Variants in ART3 observed in about 807,000 individuals in gnomAD.
ART3 encodes ADP-ribosyltransferase 3 (inactive), also known as ecto-ADP-ribosyltransferase 3.
In ART3, 49 loss-of-function variants were observed where a neutral mutation model predicts 48.5. The observed-to-expected ratio is 1.01, with a 90% CI of 0.80 to 1.28. ART3 has a LOEUF of 1.28. Among genes scored for constraint, ART3 ranks in the 50% most tolerant of loss-of-function variants. The pLI, the probability that ART3 is intolerant of heterozygous loss-of-function variation, is 0.00. For synonymous variants in ART3, 145 were observed against 157.2 expected (o/e 0.92, Z 0.58); for missense variants, 438 against 454.3 (o/e 0.96, Z 0.33).
At chr4:76,059,157 T>C (rs941267262) in intron 1 of ART3, among the ~76,000 whole-genome samples, 7 of 151,698 alleles carry the variant, frequency 4.6e-5, no homozygotes, top group African/African-American at 1.2e-4. Flanking sequence ...GAGAAACCTT[T>C]AGGTTATAGT....
chr4:76,090,390 G>A (rs1346306337), intron 3 of ART3, among the ~76,000 whole-genome samples: 1 of 152,242 alleles, frequency 6.6e-6, no homozygotes, highest in Non-Finnish European at 1.5e-5. Flanking sequence ...TAACAGGCTA[G>A]CAGTAACAGC....
rs1727567390 is a variant in ART3 at position 76,102,573 on chromosome 4, TG to T, written c.938-1363del. On this transcript the variant is annotated intron_variant, in intron 8 of 11. Transcript: ENST00000355810. ...GAAACACTAAGCAACTTAAAAATCA[TG>T]TTTTCAAAACCATCTAAAGATAGAA... 2.0e-5 allele frequency among the ~76,000 whole-genome samples: 3 copies of T among 152,026 alleles called. 1 individual carries two copies. In the South Asian group the frequency reaches 6.2e-4, roughly 31 times the overall value.
At chr4:76,012,379 G>A (rs1287896701) in intron 1 of ART3, 2 of 152,116 alleles carry the variant, frequency 1.3e-5, no homozygotes, top group Non-Finnish European at 2.9e-5. Flanking sequence ...GACTAGAAAG[G>A]GGTTTATTTC....
chr4:76,050,049 G>A (rs533435120), intron 1 of ART3, among the ~76,000 whole-genome samples: 1 of 151,986 alleles, frequency 6.6e-6, no homozygotes, highest in Non-Finnish European at 1.5e-5. Flanking sequence ...GTGGGCTTAT[G>A]GTCTCACTGG....
intron 3 of ART3, among the ~76,000 whole-genome samples, chr4:76,086,942 C>T (rs900306134): frequency 6.6e-6 from 1 of 152,110 alleles, no homozygotes; most frequent in African/African-American, 2.4e-5. Context: ...CCAGGGTCTC[C>T]CTCCCTCCCT....
chr4:76,059,732 A>G (rs1039847595), intron 1 of ART3, among the ~76,000 whole-genome samples: 1 of 152,228 alleles, frequency 6.6e-6, no homozygotes, highest in African/African-American at 2.4e-5. Flanking sequence ...GAAATGAATT[A>G]GTAAAGTTTA....
intron 3 of ART3, among the ~76,000 whole-genome samples, chr4:76,085,226 G>A (rs953043183): frequency 6.6e-6 from 1 of 152,190 alleles, no homozygotes; most frequent in Admixed American, 6.5e-5. Context: ...AAAAACCATC[G>A]CTGCTGGGTC....
At chr4:76,012,323 A>G (rs1250156269) in intron 1 of ART3, 1 of 152,212 alleles carries the variant, frequency 6.6e-6, no homozygotes, top group Non-Finnish European at 1.5e-5. Flanking sequence ...AATTTCTCAC[A>G]GTGTGGATTT....
At chr4:76,036,128 T>C in intron 1 of ART3, 2 of 666,810 alleles carry the variant, frequency 3.0e-6, no homozygotes, top group Non-Finnish European at 5.2e-6. Flanking sequence ...GCAATCCTTT[T>C]ATGGCACAGG....
intron 1 of ART3, among the ~76,000 whole-genome samples, chr4:76,028,412 C>G (rs1015725091): frequency 6.6e-6 from 1 of 152,198 alleles, no homozygotes; most frequent in Non-Finnish European, 1.5e-5. Context: ...GTTTCAGTCG[C>G]TATTGATTTA....
At chr4:76,073,801 T>C (rs1269772124), upstream of ART3, among the ~76,000 whole-genome samples, 1 of 152,230 alleles carries the variant, frequency 6.6e-6, no homozygotes, top group Admixed American at 6.5e-5. Flanking sequence ...AATCATACAG[T>C]ATAAACATGC....
At chr4:76,077,879 A>G (rs1012439335) in intron 2 of ART3, among the ~76,000 whole-genome samples, 9 of 152,192 alleles carry the variant, frequency 5.9e-5, no homozygotes, top group African/African-American at 2.2e-4. Context: ...GTTTTTCATC[A>G]TTTATAGCCA....
rs765188499 is a variant in ART3 at position 76,075,962 on chromosome 4, A to G, written c.69+4A>G. Reference sequence around the variant, plus strand: ...GATTCTAGTGGACATTTTCCAGGTAATGTTGGGAATGGGAAGCATGTGGTC... The same window carrying G: ...GATTCTAGTGGACATTTTCCAGGTAGTGTTGGGAATGGGAAGCATGTGGTC... On this transcript the variant is annotated splice_donor_region_variant and intron_variant, in intron 2 of 11. Transcript: ENST00000355810. 2 of 1,598,662 alleles carry G rather than the reference A, an allele frequency of 1.3e-6. No individual in the cohort carries two copies. Among genetic ancestry groups the G allele is most frequent in the African/African-American group, 1.3e-5 (1 of 74,096 alleles).
intron 2 of ART3, 105 bp downstream of exon 2, chr4:76,076,063 G>A: frequency 9.8e-7 from 1 of 1,018,240 alleles, no homozygotes; most frequent in Non-Finnish European, 1.4e-6. Context: ...GGAGTGCAGT[G>A]GCTCGATTTC....
rs145486697 is a variant in ART3, at chr4:76,047,844, C to T, written c.-9-28037C>T. On this transcript the variant is annotated intron_variant, in intron 1 of 9. Transcript: ENST00000341029. ...AACAGTGGCATGACATCTCTCCAAG[C>T]GAGGTCAAAGGTTTGCCCTAGACCC... is the stretch of plus-strand genomic sequence containing the variant. 1.1e-3 allele frequency among the ~76,000 whole-genome samples: 170 copies of T among 152,068 alleles called. 5 individuals carry two copies. Among genetic ancestry groups the T allele is most frequent in the African/African-American group, 3.8e-3 (157 of 41,512 alleles).
intron 1 of ART3, among the ~76,000 whole-genome samples, chr4:76,042,293 C>A (rs909674654): frequency 1.3e-5 from 2 of 151,476 alleles, no homozygotes; most frequent in Non-Finnish European, 2.9e-5. Flanking sequence ...TATTGCCTGA[C>A]AAAAGAAAAA....
intron 1 of ART3, among the ~76,000 whole-genome samples, chr4:76,040,437 TAC>T (rs748020159): frequency 0.083 from 7,316 of 88,198 alleles, 242 homozygotes; most frequent in Middle Eastern, 0.14. Flanking sequence ...ATACACTGGA[TAC>T]ACACACACAC....
At chr4:76,026,121 T>TA (rs1279052321) in intron 1 of ART3, among the ~76,000 whole-genome samples, 1 of 151,720 alleles carries the variant, frequency 6.6e-6, no homozygotes, top group Non-Finnish European at 1.5e-5. Context: ...CAGTGGCCCA[T>TA]ACACTGGCAA....
intron 1 of ART3, among the ~76,000 whole-genome samples, chr4:76,043,038 G>A (rs1337018256): frequency 1.3e-5 from 2 of 151,738 alleles, no homozygotes; most frequent in African/African-American, 4.8e-5. Context: ...GTTCTCCGGG[G>A]CCCCACCAGA....
Sources: gnomAD v4.1 joint callset for allele counts (sites outside exome capture counted in the v4.1 genomes callset) on GRCh38, gnomAD v4.1.1 for gene constraint, MANE v1.5 for transcripts, NCBI Gene and HGNC (gene_info 2026-07-23, HGNC 2026-07-21) for gene names.